Variants in RANBP1 observed in about 807,000 individuals in gnomAD.
RANBP1 encodes the protein RAN binding protein 1, also known as ran-specific GTPase-activating protein.
RANBP1 carries 16 observed loss-of-function variants against 31.4 expected under a neutral mutation model. The ratio of observed to expected loss-of-function variants is 0.51; its 90% CI spans 0.34 to 0.77. The LOEUF is 0.77. Ranked by LOEUF, RANBP1 falls within the 30% of genes least tolerant of loss-of-function variation. RANBP1 has a pLI of 0.01. For synonymous variants in RANBP1, 129 were observed against 140.5 expected (o/e 0.92, Z 0.58); for missense variants, 265 against 362.0 (o/e 0.73, Z 2.17).
At chr22:20,121,180 C>T (rs1342177840) in intron 2 of RANBP1, among the ~76,000 whole-genome samples, 1 of 151,910 alleles carries the variant, frequency 6.6e-6, no homozygotes, top group East Asian at 1.9e-4. Context: ...GTCTGGATCT[C>T]CTGACCTCAT....
At position 20,126,349 on chromosome 22, in the gene RANBP1, C is replaced by A; in HGVS notation, c.717C>A (p.Ile239=). The A allele has an allele frequency of 1.9e-6, 3 of 1,613,916 alleles. No homozygotes were observed. In the East Asian group the frequency reaches 6.7e-5, roughly 36 times the overall value. ...KTKFEECRKE[I]EEREKKAGSG... Reference sequence around the variant, plus strand: ...AGTTTGAAGAATGCAGGAAAGAGATCGAAGAGAGAGAAAAGAAAGGTGACG... The same window carrying A: ...AGTTTGAAGAATGCAGGAAAGAGATAGAAGAGAGAGAAAAGAAAGGTGACG... Residue 239 remains isoleucine (I), a synonymous_variant, in exon 5 of 6, where the codon ATC becomes ATA. Transcript: ENST00000430524.
chr22:20,122,213 C>G (rs1299771669), intron 2 of RANBP1, 51 bp from the exon 3 acceptor site: 11 of 1,592,328 alleles, frequency 6.9e-6, no homozygotes, highest in Non-Finnish European at 9.4e-6. Flanking sequence ...TGCGCAGGCC[C>G]TGCATGTGGG....
intron 1 of RANBP1, chr22:20,118,277 A>G: frequency 1.6e-5 from 16 of 1,002,454 alleles, no homozygotes; most frequent in Non-Finnish European, 1.9e-5. Context: ...TCTAGTGGTG[A>G]AGTCTTGGGT....
rs199794890 is a variant in RANBP1, at chr22:20,116,353, C to T, written c.169C>T (p.Arg57Trp). 1.1e-4 allele frequency: 170 copies of T among 1,612,840 alleles called. No individual in the cohort carries two copies. Among genetic ancestry groups the T allele is most frequent in the Admixed American group, 2.5e-4 (15 of 60,012 alleles). Reference sequence around the variant, plus strand: ...GGTTTTGTGGGGCTGCAGACCAAAGCGGCCCAGGAAGCGCCGGACGTCGCT... The same window carrying T: ...GGTTTTGTGGGGCTGCAGACCAAAGTGGCCCAGGAAGCGCCGGACGTCGCT... ...SLVLWGCRPKRPRKRRTSLKL... is the reference protein window; with the variant it reads ...SLVLWGCRPKWPRKRRTSLKL... The change falls in exon 1 of 6, where the codon CGG (arginine) becomes TGG (tryptophan). Residue 57 changes from arginine (R) to tryptophan (W), a missense_variant. This residue lies in a region of RANBP1 where 126 missense variants were observed against 123.6 expected (regional missense o/e 1.02). Transcript: ENST00000430524.
intron 5 of RANBP1, chr22:20,126,600 C>G: frequency 8.5e-6 from 13 of 1,533,438 alleles, no homozygotes; most frequent in Non-Finnish European, 1.1e-5. Context: ...GGAGTCCGGG[C>G]ACTGCCTGGA....
intron 3 of RANBP1, among the ~76,000 whole-genome samples, chr22:20,123,758 G>A (rs2050238807): frequency 6.6e-6 from 1 of 152,020 alleles, no homozygotes; most frequent in Admixed American, 6.6e-5. Flanking sequence ...GTGGCAGTAG[G>A]TTGTCCTGAG....
In RANBP1 at chr22:20,125,618, G is replaced by T. The variant is rs1218637779; in HGVS notation, c.670+182G>T. ...TGCCCAGACTGAAGCCATGAGCAGCGCCTTCCCCCTTAAACTCAAAGCTGT... is the reference window on the plus strand; with the variant it reads ...TGCCCAGACTGAAGCCATGAGCAGCTCCTTCCCCCTTAAACTCAAAGCTGT... On this transcript the variant is annotated intron_variant, in intron 4 of 5. Transcript: ENST00000430524. The T allele has an allele frequency of 8.0e-6, 12 of 1,496,430 alleles. No individual in the cohort carries two copies. The East Asian group carries it at 3.0e-4, about 38-fold the overall frequency. 92.7% of individuals were successfully genotyped at this position (1,496,430 alleles called of 1,614,324 possible).
In RANBP1 at chr22:20,127,066, A is replaced by C. The variant is rs910689012; in HGVS notation, c.*14A>C. On this transcript the variant is annotated 3_prime_UTR_variant, in exon 6 of 6. Coordinates refer to ENST00000430524, the MANE Select transcript of RANBP1 (RefSeq NM_001278639.2). Reference sequence around the variant, plus strand: ...GAGAAGCAATAAATCGTCTTATTTTATTTTCTTTTCCTCTCTTTCCTTTCC... The same window carrying C: ...GAGAAGCAATAAATCGTCTTATTTTCTTTTCTTTTCCTCTCTTTCCTTTCC... 25 of 1,584,336 alleles carry C rather than the reference A, an allele frequency of 1.6e-5. No homozygotes were observed. Among genetic ancestry groups the C allele is most frequent in the Admixed American group, 5.5e-5 (3 of 54,358 alleles).
At chr22:20,123,525 C>T (rs1025903644) in intron 3 of RANBP1, among the ~76,000 whole-genome samples, 3 of 151,190 alleles carry the variant, frequency 2.0e-5, no homozygotes, top group Non-Finnish European at 3.0e-5. Flanking sequence ...GGTGTTCGGG[C>T]AGTGTAAGAG....
chr22:20,125,734 T>C lies in RANBP1; in HGVS notation c.670+298T>C, dbSNP rs1039102276. 3.5e-6 allele frequency: 4 copies of C among 1,138,638 alleles called. No homozygotes were observed. In the African/African-American group the frequency reaches 4.8e-5, roughly 14 times the overall value. The allele number at this position is 1,138,638 out of a possible 1,614,324, so 70.5% of individuals were successfully genotyped here. The stretch of plus-strand genomic sequence containing the variant: ...CCAAGCTCCGGTTCCCATTAGTTGT[T>C]GCGGAGCCTGAGGCCCAACCCAGGG... On this transcript the variant is annotated intron_variant, in intron 4 of 5. Transcript: ENST00000430524.
intron 3 of RANBP1, among the ~76,000 whole-genome samples, chr22:20,123,671 A>G (rs935120961): frequency 2.6e-5 from 4 of 151,996 alleles, no homozygotes; most frequent in African/African-American, 9.7e-5. Flanking sequence ...CTGAAGCTAC[A>G]TAAGTAGAGG....
chr22:20,126,886 T>C, intron 5 of RANBP1, 66 bp from the exon 6 acceptor site: 1 of 1,565,000 alleles, frequency 6.4e-7, no homozygotes, highest in South Asian at 1.1e-5. Flanking sequence ...GGGACCAGCC[T>C]GGCGAGGGCC....
At chr22:20,122,179 G>A (rs1277615529) in intron 2 of RANBP1, 85 bp from the exon 3 acceptor site, 1 of 1,487,728 alleles carries the variant, frequency 6.7e-7, no homozygotes, top group Non-Finnish European at 9.2e-7. Flanking sequence ...GGGTCCTGCA[G>A]TGCAGAGTTG....
intron 3 of RANBP1, chr22:20,124,007 C>A (rs914788201): frequency 1.3e-5 from 2 of 152,456 alleles, no homozygotes; most frequent in African/African-American, 4.8e-5. Flanking sequence ...TCTGCCTATG[C>A]CATGGGCACC....
At chr22:20,117,185 CTT>C (rs1346842335) in intron 1 of RANBP1, 13 of 548,792 alleles carry the variant, frequency 2.4e-5, no homozygotes, top group Non-Finnish European at 3.9e-5. Flanking sequence ...GCCAGCCACT[CTT>C]AGTCCGCCAG....
chr22:20,121,178 C>T (rs2050161632), intron 2 of RANBP1, among the ~76,000 whole-genome samples: 1 of 152,024 alleles, frequency 6.6e-6, no homozygotes, highest in Non-Finnish European at 1.5e-5. Flanking sequence ...TGGTCTGGAT[C>T]TCCTGACCTC....
chr22:20,121,326 C>T (rs971943407), intron 2 of RANBP1, among the ~76,000 whole-genome samples: 4 of 151,832 alleles, frequency 2.6e-5, no homozygotes, highest in South Asian at 2.1e-4. Context: ...CTCAGCTCGC[C>T]GCAACCTCTG....
intron 3 of RANBP1, 85 bp from the exon 4 acceptor site, chr22:20,125,223 G>T (rs1568984831): frequency 6.6e-7 from 1 of 1,524,432 alleles, no homozygotes. Context: ...CCTCAGGTTG[G>T]TGAGCAGGGT....
At chr22:20,117,073 C>A (rs956812004) in intron 1 of RANBP1, 21 of 897,498 alleles carry the variant, frequency 2.3e-5, no homozygotes, top group Non-Finnish European at 3.6e-5. Flanking sequence ...CCCGGCTTCG[C>A]CCCAGGCGGG....
Sources: allele counts gnomAD v4.1 joint callset (sites outside exome capture counted in the v4.1 genomes callset), GRCh38; gene constraint gnomAD v4.1.1; regional missense constraint gnomAD v4.1.1; transcripts MANE v1.5; gene names NCBI Gene and HGNC (gene_info 2026-07-23, HGNC 2026-07-21).